The following METTL8 variants were observed in gnomAD, a reference collection of about 807,000 sequenced individuals.
METTL8 encodes tRNA N(3)-cytidine methyltransferase METTL8, mitochondrial.
A neutral mutation model predicts 48.7 loss-of-function variants in METTL8; 32 were observed. The ratio of observed to expected loss-of-function variants is 0.66; its 90% CI spans 0.50 to 0.88. METTL8 has a LOEUF of 0.88. Ranked by LOEUF, METTL8 falls within the 40% of genes least tolerant of loss-of-function variation. The probability of loss-of-function intolerance (pLI) is 0.00; values close to 1 mark genes in which losing one functional copy is unlikely to be tolerated. For missense variants in METTL8, 464 were observed against 474.4 expected (o/e 0.98, Z 0.20); for synonymous variants, 136 against 157.1 (o/e 0.87, Z 1.01).
intron 1 of METTL8, among the ~76,000 whole-genome samples, chr2:171,392,942 CAA>C (rs34723018): frequency 5.3e-5 from 7 of 133,194 alleles, no homozygotes; most frequent in African/African-American, 1.4e-4. Flanking sequence ...ACTAAAAATA[CAA>C]AAAAAAAAAA....
At chr2:171,330,505 C>A in intron 7 of METTL8, 54 bp downstream of exon 7, 1 of 1,541,280 alleles carries the variant, frequency 6.5e-7, no homozygotes, top group East Asian at 2.3e-5. Flanking sequence ...TTCTGAAAAC[C>A]ACTACTGATA....
At chr2:171,394,821 A>C (rs1319984074) in intron 1 of METTL8, among the ~76,000 whole-genome samples, 1 of 152,226 alleles carries the variant, frequency 6.6e-6, no homozygotes, top group Non-Finnish European at 1.5e-5. Context: ...TTACATAAAA[A>C]TGGTATTTGT....
intron 3 of METTL8, 64 bp from the exon 4 acceptor site, chr2:171,339,618 T>C: frequency 1.2e-6 from 1 of 857,562 alleles, no homozygotes; most frequent in South Asian, 2.3e-5. Flanking sequence ...TTAGCTACTG[T>C]CTTGATAATT....
At chr2:171,361,353 C>T (rs1685152317) in intron 2 of METTL8, among the ~76,000 whole-genome samples, 1 of 151,766 alleles carries the variant, frequency 6.6e-6, no homozygotes, top group South Asian at 2.1e-4. Flanking sequence ...ATTACACACC[C>T]CATATTCAAG....
rs112324417 is a variant in METTL8 at position 171,331,893 on chromosome 2, T to G, written c.657-26A>C. 4.5e-6 allele frequency: 7 copies of G among 1,542,488 alleles called. 1 individual carries two copies. Among genetic ancestry groups the G allele is most frequent in the African/African-American group, 4.1e-5 (3 of 73,598 alleles). On this transcript the variant is annotated intron_variant, in intron 5 of 9. Transcript: ENST00000375258. Reference sequence around the variant, plus strand: ...CTATGAAGATGGAAGAAATATTTATTTATTTTTTTGGAGACAGGGTCTTGC... The same window carrying G: ...CTATGAAGATGGAAGAAATATTTATGTATTTTTTTGGAGACAGGGTCTTGC...
chr2:171,414,355 T>C (rs1164161405), intron 1 of METTL8, among the ~76,000 whole-genome samples: 2 of 150,474 alleles, frequency 1.3e-5, no homozygotes. Flanking sequence ...AGGCGGAGGA[T>C]GCGGTGAGCT....
intron 5 of METTL8, among the ~76,000 whole-genome samples, chr2:171,333,084 T>TC (rs1255166204): frequency 7.0e-6 from 1 of 143,174 alleles, no homozygotes; most frequent in Non-Finnish European, 1.5e-5. Context: ...CAGGTTATAC[T>TC]CTTTTTTTTT....
chr2:171,320,861 C>T lies in METTL8; in HGVS notation c.*3311G>A, dbSNP rs982233039. 1 of 152,218 alleles carries T rather than the reference C, an allele frequency of 6.6e-6. No homozygotes were observed. The highest frequency in any genetic ancestry group is 1.5e-5 in the Non-Finnish European group (1 of 68,046). The allele number at this position is 152,218 out of a possible 1,614,324, so 9.4% of individuals were successfully genotyped here. A position where few individuals can be genotyped will look rare whatever the true frequency, so the allele number is the denominator to read the frequency against. ...ACTCCATTCCATTCTATAGACAACTCCTCAACCTCTCTCAATACATTTATA... is the reference window on the plus strand; with the variant it reads ...ACTCCATTCCATTCTATAGACAACTTCTCAACCTCTCTCAATACATTTATA... On this transcript the variant is annotated 3_prime_UTR_variant, in exon 10 of 10. Transcript: ENST00000375258.
intron 3 of METTL8, among the ~76,000 whole-genome samples, chr2:171,342,823 A>T (rs1686909935): frequency 6.6e-6 from 1 of 152,206 alleles, no homozygotes; most frequent in Admixed American, 6.5e-5. Flanking sequence ...AATTTGTGGG[A>T]ATATTCCTCT....
intron 1 of METTL8, among the ~76,000 whole-genome samples, chr2:171,431,614 G>C (rs771618524): frequency 6.6e-6 from 1 of 152,178 alleles, no homozygotes; most frequent in Non-Finnish European, 1.5e-5. Flanking sequence ...CTTGGACACA[G>C]GACAAGAGCT....
Position 171,385,335 on chromosome 2 carries a change from T to A in METTL8, c.143+6708A>T, listed in dbSNP as rs1687942289. ...CTGGGTGACAGGGCAAGACCCTGTC[T>A]CAAAAAAAAAAAAAATCAAATTCAG... On this transcript the variant is annotated intron_variant, in intron 2 of 9. Transcript: ENST00000375258. Among the ~76,000 whole-genome samples, 6 of 144,726 alleles carry A rather than the reference T, an allele frequency of 4.1e-5. No individual in the cohort carries two copies. In the South Asian group the frequency reaches 8.6e-4, roughly 21 times the overall value. 94.9% of individuals were successfully genotyped at this position (144,726 alleles called of 152,430 possible).
intron 2 of METTL8, among the ~76,000 whole-genome samples, chr2:171,379,974 T>C (rs1687351351): frequency 6.6e-6 from 1 of 152,212 alleles, no homozygotes; most frequent in African/African-American, 2.4e-5. Flanking sequence ...CCAATATCCC[T>C]GATGAACATT....
intron 2 of METTL8, among the ~76,000 whole-genome samples, chr2:171,371,895 C>T (rs1686399121): frequency 1.3e-5 from 2 of 150,206 alleles, no homozygotes; most frequent in South Asian, 2.1e-4. Context: ...TGCTTTGTTG[C>T]CCAGGCTGGT....
intron 7 of METTL8, among the ~76,000 whole-genome samples, chr2:171,327,943 G>A (rs1685123539): frequency 6.6e-6 from 1 of 151,964 alleles, no homozygotes; most frequent in Non-Finnish European, 1.5e-5. Flanking sequence ...ATAAACAATC[G>A]AACACTTTAA....
chr2:171,393,962 T>A (rs1020758213), intron 1 of METTL8, among the ~76,000 whole-genome samples: 1 of 152,222 alleles, frequency 6.6e-6, no homozygotes, highest in African/African-American at 2.4e-5. Context: ...AAATGTGACT[T>A]AACAGTGATA....
chr2:171,367,836 T>C (rs1000947292), intron 2 of METTL8, among the ~76,000 whole-genome samples: 1 of 152,198 alleles, frequency 6.6e-6, no homozygotes, highest in Non-Finnish European at 1.5e-5. Flanking sequence ...AAGTAGACTA[T>C]ACTAAGTTGA....
At chr2:171,360,308 G>T in intron 3 of METTL8, 114 bp downstream of exon 3, 1 of 767,626 alleles carries the variant, frequency 1.3e-6, no homozygotes, top group Non-Finnish European at 2.1e-6. Flanking sequence ...TCTACCAAAT[G>T]GAACAAGTGG....
chr2:171,342,134 A>G (rs1686839578), intron 3 of METTL8, among the ~76,000 whole-genome samples: 1 of 152,232 alleles, frequency 6.6e-6, no homozygotes, highest in Non-Finnish European at 1.5e-5. Context: ...TTGTTACAGA[A>G]CCCTGTCCTG....
intron 3 of METTL8, 26 bp from the exon 4 acceptor site, chr2:171,339,580 T>C: frequency 7.8e-7 from 1 of 1,279,348 alleles, no homozygotes; most frequent in Non-Finnish European, 1.1e-6. Context: ...AAAAGAAAGA[T>C]TTATTTTACT....
Sources: allele counts gnomAD v4.1 joint callset (sites outside exome capture counted in the v4.1 genomes callset), GRCh38; gene constraint gnomAD v4.1.1; transcripts MANE v1.5; gene names NCBI Gene and HGNC (gene_info 2026-07-23, HGNC 2026-07-21).